Variants in ITGBL1 observed in about 807,000 individuals in gnomAD.
ITGBL1 encodes integrin beta-like protein 1.
Under a neutral mutation model 68.5 loss-of-function variants are expected in ITGBL1, and 51 were observed. The observed-to-expected ratio is 0.74, with a 90% confidence interval of 0.59 to 0.94. ITGBL1 has a LOEUF of 0.94. Ranked by LOEUF, ITGBL1 falls within the 40% of genes least tolerant of loss-of-function variation. The pLI is 0.00. For synonymous variants in ITGBL1, 209 were observed against 227.3 expected (o/e 0.92, Z 0.72); for missense variants, 649 against 647.4 (o/e 1.00, Z -0.03).
chr13:101,498,755 A>AT (rs1218324271), intron 2 of ITGBL1, among the ~76,000 whole-genome samples: 1 of 152,104 alleles, frequency 6.6e-6, no homozygotes, highest in East Asian at 1.9e-4. Context: ...GCAGATGGGG[A>AT]TTTTACCTAG....
chr13:101,642,048 C>T (rs562274305), intron 7 of ITGBL1, among the ~76,000 whole-genome samples: 1 of 151,954 alleles, frequency 6.6e-6, no homozygotes, highest in Admixed American at 6.6e-5. Context: ...TTTATAGCAG[C>T]ATGATTTATA....
intron 2 of ITGBL1, among the ~76,000 whole-genome samples, chr13:101,501,604 A>G (rs1462339751): frequency 6.6e-6 from 1 of 152,184 alleles, no homozygotes; most frequent in Non-Finnish European, 1.5e-5. Context: ...AGGAAACCAC[A>G]GTGTTCCAGA....
At chr13:101,711,306 C>A (rs528189725) in intron 9 of ITGBL1, 1 of 152,328 alleles carries the variant, frequency 6.6e-6, no homozygotes, top group East Asian at 1.9e-4. Context: ...TAACTGTCTC[C>A]TTAAACTCTC....
At chr13:101,476,873 GAGAT>G (rs2048544882) in intron 2 of ITGBL1, among the ~76,000 whole-genome samples, 2 of 152,124 alleles carry the variant, frequency 1.3e-5, no homozygotes, top group Admixed American at 6.6e-5. Context: ...GCTAAAGTGA[GAGAT>G]AGACCCCAAT....
intron 7 of ITGBL1, among the ~76,000 whole-genome samples, chr13:101,661,435 C>T (rs1278762100): frequency 6.6e-6 from 1 of 152,134 alleles, no homozygotes; most frequent in Non-Finnish European, 1.5e-5. Context: ...TCTTTTCCAC[C>T]TTTATGGCCT....
intron 10 of ITGBL1, 183 bp downstream of exon 10, chr13:101,714,734 C>T: frequency 1.7e-6 from 1 of 579,820 alleles, no homozygotes. Context: ...TATTCCTAGG[C>T]ATAGAAGAAT....
chr13:101,498,153 C>CA (rs909051088), intron 2 of ITGBL1, among the ~76,000 whole-genome samples: 9 of 149,108 alleles, frequency 6.0e-5, no homozygotes, highest in South Asian at 4.3e-4. Flanking sequence ...AATTTTGTAC[C>CA]AAAAAAAAAT....
chr13:101,715,545 A>C lies in ITGBL1; in HGVS notation c.1394-18A>C. On this transcript the variant is annotated intron_variant, in intron 10 of 10. Coordinates refer to ENST00000376180, the MANE Select transcript of ITGBL1 (RefSeq NM_004791.3). ...CATTTTGATCATAATCATGATACCT[A>C]TATGTATTTTATTGCAGGGAATGGA... The C allele has an allele frequency of 6.5e-7, 1 of 1,544,316 alleles. No homozygotes were observed. The highest frequency in any genetic ancestry group is 9.0e-7 in the Non-Finnish European group (1 of 1,116,422).
Position 101,706,803 on chromosome 13 carries a change from T to C in ITGBL1, c.1180T>C (p.Phe394Leu), listed in dbSNP as rs770085350. The change falls in exon 9 of 11, where the codon TTT becomes CTT. Residue 394 changes from phenylalanine (F) to leucine (L), a missense_variant. Phe to Leu is a conservative substitution (Grantham distance 22). Coordinates refer to ENST00000376180, the MANE Select transcript of ITGBL1 (RefSeq NM_004791.3). ...TCGCTGTGTTTGTGAGAGAGGATGG[T>C]TTGGAAAGCTCTGCCAACATCCGCG... is the stretch of plus-strand genomic sequence containing the variant. ...CGRCVCERGW[F>L]GKLCQHPRKC... 1.2e-6 allele frequency: 2 copies of C among 1,614,094 alleles called. No individual in the cohort carries two copies. Among genetic ancestry groups the C allele is most frequent in the East Asian group, 4.5e-5 (2 of 44,874 alleles).
chr13:101,613,033 C>T (rs1367788472), intron 7 of ITGBL1, among the ~76,000 whole-genome samples: 1 of 152,088 alleles, frequency 6.6e-6, no homozygotes, highest in Non-Finnish European at 1.5e-5. Flanking sequence ...TGTCTCACAC[C>T]ACTTATTATT....
chr13:101,612,957 T>A (rs1192395116), intron 7 of ITGBL1, among the ~76,000 whole-genome samples: 7 of 152,106 alleles, frequency 4.6e-5, no homozygotes, highest in Admixed American at 2.0e-4. Flanking sequence ...TGTGAGGGCG[T>A]GTGCTCTGAG....
At chr13:101,687,937 G>T (rs1448422872) in intron 7 of ITGBL1, among the ~76,000 whole-genome samples, 1 of 152,002 alleles carries the variant, frequency 6.6e-6, no homozygotes, top group African/African-American at 2.4e-5. Flanking sequence ...GTAGCACAGT[G>T]CTAGAAAGGC....
chr13:101,489,096 A>G (rs186128919), intron 2 of ITGBL1, among the ~76,000 whole-genome samples: 3 of 152,314 alleles, frequency 2.0e-5, no homozygotes, highest in African/African-American at 7.2e-5. Context: ...GTATATTTTT[A>G]AGTATAGAAA....
chr13:101,473,782 G>C (rs1339857204), intron 2 of ITGBL1, among the ~76,000 whole-genome samples: 1 of 152,124 alleles, frequency 6.6e-6, no homozygotes, highest in East Asian at 1.9e-4. Flanking sequence ...TTGCATACCA[G>C]CTCAGCCACA....
chr13:101,593,171 GTCAGGGAAA>G (rs2050684801), intron 6 of ITGBL1, among the ~76,000 whole-genome samples: 1 of 151,950 alleles, frequency 6.6e-6, no homozygotes, highest in African/African-American at 2.4e-5. Context: ...ATCACTAATT[GTCAGGGAAA>G]TGCAAATCAA....
chr13:101,517,635 G>A (rs554542765), intron 2 of ITGBL1, among the ~76,000 whole-genome samples: 2 of 152,258 alleles, frequency 1.3e-5, no homozygotes, highest in Admixed American at 6.5e-5. Context: ...CATATGTAAA[G>A]GATAAGGATC....
intron 2 of ITGBL1, among the ~76,000 whole-genome samples, chr13:101,543,417 C>G (rs933944217): frequency 2.0e-5 from 3 of 152,112 alleles, no homozygotes; most frequent in Non-Finnish European, 4.4e-5. Context: ...GAGTTTCTGC[C>G]GAGAGATCAG....
intron 6 of ITGBL1, among the ~76,000 whole-genome samples, chr13:101,588,265 A>T (rs1486724863): frequency 6.7e-6 from 1 of 149,812 alleles, no homozygotes; most frequent in Non-Finnish European, 1.5e-5. Context: ...TGGTAGGTAG[A>T]TTATACCAAC....
At chr13:101,534,850 GTAATTAT>G (rs2049544506) in intron 2 of ITGBL1, among the ~76,000 whole-genome samples, 2 of 152,078 alleles carry the variant, frequency 1.3e-5, no homozygotes, top group African/African-American at 4.8e-5. Context: ...TTTTCCAGCA[GTAATTAT>G]TAATCCAGGT....
Sources: allele counts gnomAD v4.1 joint callset (sites outside exome capture counted in the v4.1 genomes callset), GRCh38; gene constraint gnomAD v4.1.1; transcripts MANE v1.5; gene names NCBI Gene and HGNC (gene_info 2026-07-23, HGNC 2026-07-21).